PCDH15: variants seen among roughly 807,000 people sequenced by gnomAD.
PCDH15 encodes the protein protocadherin-15.
PCDH15 carries 129 observed loss-of-function variants against 178.5 expected under a neutral mutation model. That is an observed-to-expected ratio of 0.72 (90% CI 0.63 to 0.84). The LOEUF is 0.84. Ranked by LOEUF, PCDH15 falls within the 40% of genes least tolerant of loss-of-function variation. The pLI is 0.00. For synonymous variants in PCDH15, 800 were observed against 732.0 expected (o/e 1.09, Z -1.50); for missense variants, 2,230 against 2,099.9 (o/e 1.06, Z -1.21).
intron 2 of PCDH15, among the ~76,000 whole-genome samples, chr10:55,538,322 CTAAA>C (rs956806392): frequency 4.6e-5 from 7 of 152,222 alleles, no homozygotes; most frequent in African/African-American, 1.4e-4. Context: ...CCCATCCAGA[CTAAA>C]TAGAGTTTTT....
intron 25 of PCDH15, among the ~76,000 whole-genome samples, chr10:53,904,097 G>C (rs1433201397): frequency 6.6e-6 from 1 of 151,872 alleles, no homozygotes; most frequent in African/African-American, 2.4e-5. Flanking sequence ...TGAGAAATGT[G>C]GTACTTGTCA....
At chr10:54,561,709 A>C (rs992099743) in intron 2 of PCDH15, among the ~76,000 whole-genome samples, 1 of 152,150 alleles carries the variant, frequency 6.6e-6, no homozygotes, top group Non-Finnish European at 1.5e-5. Context: ...TCATGCAATA[A>C]ATTAAATCAA....
rs565853888 is a variant in PCDH15 at position 53,868,984 on chromosome 10, T to C, written c.3502-2127A>G. ...AGGCACTCCACTACGCCTGGCTAAT[T>C]CTTTGTAGACACAGGGTCTCGCTAT... On this transcript the variant is annotated intron_variant, in intron 26 of 37. Coordinates refer to ENST00000644397, the MANE Select transcript of PCDH15 (RefSeq NM_001384140.1). Among the ~76,000 whole-genome samples, 13 of 152,220 alleles carry C rather than the reference T, an allele frequency of 8.5e-5. 1 individual carries two copies. In the South Asian group the frequency reaches 2.7e-3, roughly 32 times the overall value.
intron 15 of PCDH15, among the ~76,000 whole-genome samples, chr10:54,114,042 T>C (rs185401921): frequency 6.6e-6 from 1 of 152,244 alleles, no homozygotes; most frequent in African/African-American, 2.4e-5. Flanking sequence ...CATGATTCCA[T>C]TACCTGCCAC....
chr10:53,932,885 T>A (rs2085200216), intron 25 of PCDH15, among the ~76,000 whole-genome samples: 1 of 152,070 alleles, frequency 6.6e-6, no homozygotes, highest in Non-Finnish European at 1.5e-5. Context: ...TGGAGACAGA[T>A]CCCTCATGGC....
intron 2 of PCDH15, among the ~76,000 whole-genome samples, chr10:54,629,152 T>A (rs959336345): frequency 4.0e-5 from 6 of 151,894 alleles, no homozygotes; most frequent in Non-Finnish European, 5.9e-5. Context: ...AAAAAAAAAA[T>A]TTGAGTGCAA....
At chr10:55,556,087 A>G (rs1311548112) in intron 2 of PCDH15, among the ~76,000 whole-genome samples, 1 of 152,096 alleles carries the variant, frequency 6.6e-6, no homozygotes, top group East Asian at 1.9e-4. Flanking sequence ...CTCTCCATAT[A>G]TACACACACT....
intron 2 of PCDH15, among the ~76,000 whole-genome samples, chr10:54,593,208 G>T (rs188031678): frequency 3.6e-4 from 54 of 152,042 alleles, no homozygotes; most frequent in African/African-American, 1.3e-3. Context: ...TGTTTTTGTT[G>T]CCTGTGCTTT....
chr10:55,090,001 T>C (rs1441018131), intron 2 of PCDH15, among the ~76,000 whole-genome samples: 2 of 152,110 alleles, frequency 1.3e-5, no homozygotes, highest in Non-Finnish European at 2.9e-5. Flanking sequence ...GTTATTAACT[T>C]GTTAGAGGCT....
intron 8 of PCDH15, among the ~76,000 whole-genome samples, chr10:54,279,501 G>A (rs2058548456): frequency 6.6e-6 from 1 of 151,658 alleles, no homozygotes. Context: ...AGAAGGGAAT[G>A]TGAATGGTAT....
At chr10:55,074,687 T>C (rs1841837366) in intron 2 of PCDH15, among the ~76,000 whole-genome samples, 2 of 152,214 alleles carry the variant, frequency 1.3e-5, no homozygotes, top group Non-Finnish European at 2.9e-5. Context: ...CTGATGATAG[T>C]TTCTTTTGCT....
intron 3 of PCDH15, among the ~76,000 whole-genome samples, chr10:54,411,155 T>C (rs1321699527): frequency 2.0e-5 from 3 of 152,064 alleles, no homozygotes; most frequent in Non-Finnish European, 2.9e-5. Context: ...CCATGATGCT[T>C]GGGTGGGTGG....
intron 1 of PCDH15, among the ~76,000 whole-genome samples, chr10:55,275,627 TTATC>T (rs1271060943): frequency 6.6e-6 from 1 of 151,904 alleles, no homozygotes; most frequent in Non-Finnish European, 1.5e-5. Flanking sequence ...ACTTTTTAAT[TTATC>T]TATACAATAA....
chr10:54,583,376 A>T (rs983855), intron 2 of PCDH15, among the ~76,000 whole-genome samples: 142,275 of 151,876 alleles, frequency 0.94, 66,919 homozygotes, highest in Middle Eastern at 0.98. Flanking sequence ...CCTCCATTTT[A>T]TTTTACTAAG....
rs149458960 is a variant in PCDH15, at chr10:54,647,104, T to C, written c.91+17068A>G. Among the ~76,000 whole-genome samples, 6 of 152,146 alleles carry C rather than the reference T, an allele frequency of 3.9e-5. No individual in the cohort carries two copies. In the East Asian group the frequency reaches 1.2e-3, roughly 29 times the overall value. ...GACAACCTAACTTTTCATTGACAGATGAATACATAAAGAGAATGCAGTATA... is the reference window on the plus strand; with the variant it reads ...GACAACCTAACTTTTCATTGACAGACGAATACATAAAGAGAATGCAGTATA... On this transcript the variant is annotated intron_variant, in intron 2 of 37. Coordinates refer to ENST00000644397, the MANE Select transcript of PCDH15 (RefSeq NM_001384140.1).
intron 2 of PCDH15, among the ~76,000 whole-genome samples, chr10:54,561,388 A>ACTT (rs1234310718): frequency 6.6e-6 from 1 of 152,214 alleles, no homozygotes; most frequent in East Asian, 1.9e-4. Flanking sequence ...AAGATATGTA[A>ACTT]TATCTATCAA....
intron 1 of PCDH15, among the ~76,000 whole-genome samples, chr10:54,759,483 T>G (rs74136271): frequency 0.077 from 11,673 of 152,248 alleles, 1,470 homozygotes; most frequent in African/African-American, 0.27. Context: ...CCTTTTGATA[T>G]TTCTGTCTTC....
intron 29 of PCDH15, among the ~76,000 whole-genome samples, chr10:53,832,772 C>A (rs932939820): frequency 1.1e-4 from 17 of 151,918 alleles, no homozygotes; most frequent in Non-Finnish European, 4.4e-5. Context: ...CCTTTTGAGA[C>A]ATTTAATTTT....
chr10:53,881,408 T>C (rs561514634), intron 26 of PCDH15, among the ~76,000 whole-genome samples: 5 of 152,122 alleles, frequency 3.3e-5, no homozygotes, highest in Admixed American at 2.0e-4. Flanking sequence ...ACACAATACA[T>C]CCATATAACA....
Sources: allele counts gnomAD v4.1 joint callset (sites outside exome capture counted in the v4.1 genomes callset), GRCh38; gene constraint gnomAD v4.1.1; transcripts MANE v1.5; gene names NCBI Gene and HGNC (gene_info 2026-07-23, HGNC 2026-07-21).